The following CTDNEP1 variants were observed in gnomAD, a reference collection of about 807,000 sequenced individuals.
The protein encoded by CTDNEP1 is C-terminal domain nuclear envelope phosphatase 1.
In CTDNEP1, 3 loss-of-function variants were observed where a neutral mutation model predicts 30.1. That is an observed-to-expected ratio of 0.10 (90% CI 0.05 to 0.26). The LOEUF (loss-of-function observed/expected upper bound fraction) is 0.26. Among genes scored for constraint, CTDNEP1 ranks in the 10% least tolerant of loss-of-function variants. CTDNEP1 has a pLI of 1.00. For missense variants in CTDNEP1, 158 were observed against 310.4 expected (o/e 0.51, Z 3.69); for synonymous variants, 123 against 118.8 (o/e 1.04, Z -0.23).
chr17:7,249,583 G>A (rs937955480), intron 1 of CTDNEP1, among the ~76,000 whole-genome samples: 1 of 152,188 alleles, frequency 6.6e-6, no homozygotes, highest in Non-Finnish European at 1.5e-5. Flanking sequence ...CTGATGTGTT[G>A]GAGCGAGAAC....
At chr17:7,244,323 T>A in intron 7 of CTDNEP1, 78 bp from the exon 8 acceptor site, 1 of 1,483,676 alleles carries the variant, frequency 6.7e-7, no homozygotes, top group East Asian at 2.3e-5. Context: ...GCAGCATCAC[T>A]GGAGATGTGG....
At position 7,246,620 on chromosome 17, in the gene CTDNEP1, A is replaced by C. The variant is rs1024464632; in HGVS notation, c.360+171T>G. The C allele has an allele frequency of 1.5e-6, 1 of 687,054 alleles. No individual in the cohort carries two copies. 42.6% of individuals were successfully genotyped at this position (687,054 alleles called of 1,614,324 possible). A position where few individuals can be genotyped will look rare whatever the true frequency, so the allele number is the denominator to read the frequency against. ...CAGCGGAAAAGAATTACATCAGCACAACAAATGAACCCCAAGTACTGAAAG... is the reference window on the plus strand; with the variant it reads ...CAGCGGAAAAGAATTACATCAGCACCACAAATGAACCCCAAGTACTGAAAG... On this transcript the variant is annotated intron_variant, in intron 4 of 7. Coordinates refer to ENST00000574322, the MANE Select transcript of CTDNEP1 (RefSeq NM_001143775.2). The surrounding 1 kb of genome is among the most constrained non-coding windows in gnomAD (Gnocchi z 4.9).
In CTDNEP1 at chr17:7,247,347, C is replaced by A; in HGVS notation, c.103-4G>T. 1 of 1,612,528 alleles carries A rather than the reference C, an allele frequency of 6.2e-7. No homozygotes were observed. Among genetic ancestry groups the A allele is most frequent in the Non-Finnish European group, 8.5e-7 (1 of 1,178,868 alleles). ...GAACAGTTTGGTACTGAATTACCTA[C>A]AAATAGCACAAAAGAGGATTGAAAC... On this transcript the variant is annotated splice_region_variant and splice_polypyrimidine_tract_variant and intron_variant, in intron 1 of 7. Transcript: ENST00000574322.
At chr17:7,249,155 G>A (rs1426869230) in intron 1 of CTDNEP1, among the ~76,000 whole-genome samples, 1 of 152,070 alleles carries the variant, frequency 6.6e-6, no homozygotes, top group East Asian at 1.9e-4. Flanking sequence ...CATTCTCTAG[G>A]GGCTATTTCC....
intron 1 of CTDNEP1, among the ~76,000 whole-genome samples, chr17:7,250,286 A>G (rs1273910382): frequency 6.6e-6 from 1 of 151,304 alleles, no homozygotes; most frequent in Non-Finnish European, 1.5e-5. Flanking sequence ...TTCTCCCCAG[A>G]CTCCTTCCGA....
intron 6 of CTDNEP1, among the ~76,000 whole-genome samples, chr17:7,245,133 A>G (rs2071819163): frequency 2.0e-5 from 3 of 152,182 alleles, no homozygotes; most frequent in Admixed American, 2.0e-4. Flanking sequence ...GCTACTAAAA[A>G]TACAAAAAAT....
chr17:7,250,047 G>A (rs1349637944), intron 1 of CTDNEP1, among the ~76,000 whole-genome samples: 5 of 152,010 alleles, frequency 3.3e-5, no homozygotes, highest in Admixed American at 6.5e-5. Flanking sequence ...TACTGTTCGC[G>A]CCCTAAATCA....
chr17:7,247,321 C>G lies in CTDNEP1; in HGVS notation c.125G>C (p.Arg42Pro). 6.2e-7 allele frequency: 1 copy of G among 1,613,806 alleles called. No individual in the cohort carries two copies. The highest frequency in any genetic ancestry group is 8.5e-7 in the Non-Finnish European group (1 of 1,179,936). Residue 42 changes from arginine to proline, a missense_variant, in exon 2 of 8, where the codon CGA (arginine) becomes CCA (proline). Physicochemically the swap from Arg to Pro is moderately radical, Grantham distance 103. Coordinates refer to ENST00000574322, the MANE Select transcript of CTDNEP1 (RefSeq NM_001143775.2). ...AGGAGATAAGGGGAGGATATCATAT[C>G]GAACAGTTTGGTACTGAATTACCTA... is the stretch of plus-strand genomic sequence containing the variant. ...IRTVIQYQTV[R>P]YDILPLSPVS... is the part of the protein sequence containing the mutation.
Position 7,246,690 on chromosome 17 carries a change from TA to T in CTDNEP1, c.360+100del. On this transcript the variant is annotated intron_variant, in intron 4 of 7. Coordinates refer to ENST00000574322, the MANE Select transcript of CTDNEP1 (RefSeq NM_001143775.2). This position sits in a 1 kb window ranked among gnomAD's most constrained non-coding sequence, Gnocchi z 4.9. ...CAGCCTCCCCTCTAGAAAACTGCTC[TA>T]ACCCGTTTCTCCTCACCCCTTCCTC... 1 of 1,030,122 alleles carries T rather than the reference TA, an allele frequency of 9.7e-7. No individual in the cohort carries two copies. The highest frequency in any genetic ancestry group is 1.5e-6 in the Non-Finnish European group (1 of 670,478). 63.8% of individuals were successfully genotyped at this position (1,030,122 alleles called of 1,614,324 possible). A position where few individuals can be genotyped will look rare whatever the true frequency, so the allele number is the denominator to read the frequency against.
In CTDNEP1 at chr17:7,246,979, C is replaced by A; in HGVS notation, c.288+85G>T. ...TGACACTGGTGCCAGCGGATGGAGA[C>A]AGATGCTCTGGGACTGGGAAAGGGA... On this transcript the variant is annotated intron_variant, in intron 3 of 7. Coordinates refer to ENST00000574322, the MANE Select transcript of CTDNEP1 (RefSeq NM_001143775.2). The surrounding 1 kb of genome is among the most constrained non-coding windows in gnomAD (Gnocchi z 4.9). The A allele has an allele frequency of 7.1e-7, 1 of 1,411,854 alleles. No individual in the cohort carries two copies. The highest frequency in any genetic ancestry group is 1.2e-5 in the South Asian group (1 of 85,046). 87.5% of individuals were successfully genotyped at this position (1,411,854 alleles called of 1,614,324 possible).
Position 7,244,176 on chromosome 17 carries a change from G to C in CTDNEP1, c.*9C>G. ...CCCCACCCCAACTCAGGTGGAGGGGGAGCAGCTGTCACCAGAGCCGATGTT... is the reference window on the plus strand; with the variant it reads ...CCCCACCCCAACTCAGGTGGAGGGGCAGCAGCTGTCACCAGAGCCGATGTT... On this transcript the variant is annotated 3_prime_UTR_variant, in exon 8 of 8. Transcript: ENST00000574322. 3.7e-6 allele frequency: 6 copies of C among 1,613,912 alleles called. No individual in the cohort carries two copies. The highest frequency in any genetic ancestry group is 5.1e-6 in the Non-Finnish European group (6 of 1,179,972).
Position 7,246,402 on chromosome 17 carries a change from T to C in CTDNEP1, c.361-32A>G, listed in dbSNP as rs1205583776. 3 of 1,453,760 alleles carry C rather than the reference T, an allele frequency of 2.1e-6. No individual in the cohort carries two copies. Among genetic ancestry groups the C allele is most frequent in the East Asian group, 2.3e-5 (1 of 44,110 alleles). The allele number at this position is 1,453,760 out of a possible 1,614,324, so 90.1% of individuals were successfully genotyped here. The stretch of plus-strand genomic sequence containing the variant: ...TAGATTGGGGGAGAGGGCGATGCCA[T>C]ACAAGGTGATGATTCCTTTAGACAT... On this transcript the variant is annotated intron_variant, in intron 4 of 7. Coordinates refer to ENST00000574322, the MANE Select transcript of CTDNEP1 (RefSeq NM_001143775.2). The surrounding 1 kb of genome is among the most constrained non-coding windows in gnomAD (Gnocchi z 4.9).
At chr17:7,244,294 C>G in intron 7 of CTDNEP1, 49 bp from the exon 8 acceptor site, 2 of 1,579,938 alleles carry the variant, frequency 1.3e-6, no homozygotes, top group Non-Finnish European at 1.7e-6. Flanking sequence ...AGTTCATACC[C>G]TCACAACACT....
Position 7,246,825 on chromosome 17 carries a change from T to C in CTDNEP1, c.326A>G (p.His109Arg), listed in dbSNP as rs1202540205. 6.2e-7 allele frequency: 1 copy of C among 1,614,120 alleles called. No homozygotes were observed. Among genetic ancestry groups the C allele is most frequent in the Non-Finnish European group, 8.5e-7 (1 of 1,179,980 alleles). Residue 109 changes from histidine to arginine, a missense_variant, in exon 4 of 8, where the codon CAT (histidine) becomes CGT (arginine). Physicochemically the swap from His to Arg is conservative, Grantham distance 29. This residue lies in a region of CTDNEP1 where 96 missense variants were observed against 229.1 expected (regional missense o/e 0.42). Coordinates refer to ENST00000574322, the MANE Select transcript of CTDNEP1 (RefSeq NM_001143775.2). This position sits in a 1 kb window ranked among gnomAD's most constrained non-coding sequence, Gnocchi z 4.9. ...GAAGAAATCCACATGGGGCCTCTTA[T>C]GTACAAAAAACCGGACAGGATGTTT... ...IDKHPVRFFV[H>R]KRPHVDFFLE...
At chr17:7,244,426 G>T in intron 7 of CTDNEP1, 125 bp downstream of exon 7, 1 of 1,209,976 alleles carries the variant, frequency 8.3e-7, no homozygotes, top group Non-Finnish European at 1.2e-6. Context: ...AGACGACCTG[G>T]GTCCAAATGT....
At position 7,251,198 on chromosome 17, in the gene CTDNEP1, G is replaced by C. The variant is rs2071916912; in HGVS notation, c.99C>G (p.Arg33=). ...GCCAGCGCCCACCCTGGCTCACCGT[G>C]CGGATCTGCCTCCGCAGAAGGTAAA... is the stretch of plus-strand genomic sequence containing the variant. ...FFIYLLRRQI[R]TVIQYQTVRY... Residue 33 remains arginine (R), a synonymous_variant, in exon 1 of 8, where the codon CGC becomes CGG. Transcript: ENST00000574322. 2.5e-6 allele frequency: 4 copies of C among 1,597,892 alleles called. No homozygotes were observed. Among genetic ancestry groups the C allele is most frequent in the Middle Eastern group, 3.3e-4 (2 of 6,028 alleles).
Position 7,246,897 on chromosome 17 carries a change from GACC to G in CTDNEP1, c.289-38_289-36del, listed in dbSNP as rs777046635. The G allele has an allele frequency of 1.3e-5, 20 of 1,587,030 alleles. No individual in the cohort carries two copies. Among genetic ancestry groups the G allele is most frequent in the Admixed American group, 3.3e-5 (2 of 59,924 alleles). Reference sequence around the variant, plus strand: ...AACAAGATGGGCTGGGGGATGTCATGACCACCACAACCCAGGCCTAGAAAACGC... The same window carrying G: ...AACAAGATGGGCTGGGGGATGTCATGACCACAACCCAGGCCTAGAAAACGC... On this transcript the variant is annotated intron_variant, in intron 3 of 7. Coordinates refer to ENST00000574322, the MANE Select transcript of CTDNEP1 (RefSeq NM_001143775.2). The surrounding 1 kb of genome is among the most constrained non-coding windows in gnomAD (Gnocchi z 4.9).
chr17:7,246,630 C>T lies in CTDNEP1; in HGVS notation c.360+161G>A. The T allele has an allele frequency of 1.4e-6, 1 of 693,304 alleles. No individual in the cohort carries two copies. Among genetic ancestry groups the T allele is most frequent in the Non-Finnish European group, 2.6e-6 (1 of 388,822 alleles). 42.9% of individuals were successfully genotyped at this position (693,304 alleles called of 1,614,324 possible). ...GAATTACATCAGCACAACAAATGAA[C>T]CCCAAGTACTGAAAGCCACTCCCCT... is the stretch of plus-strand genomic sequence containing the variant. On this transcript the variant is annotated intron_variant, in intron 4 of 7. Coordinates refer to ENST00000574322, the MANE Select transcript of CTDNEP1 (RefSeq NM_001143775.2). This position sits in a 1 kb window ranked among gnomAD's most constrained non-coding sequence, Gnocchi z 4.9.
At position 7,251,493 on chromosome 17, in the gene CTDNEP1, G is replaced by A. The variant is rs973435140; in HGVS notation, c.-197C>T. On this transcript the variant is annotated 5_prime_UTR_variant, in exon 1 of 8. Transcript: ENST00000574322. Reference sequence around the variant, plus strand: ...AGCCCAGCGGAACGGGGAGCTGGGGGACAGGCGTGGGCAGCCCGCGGGGGC... The same window carrying A: ...AGCCCAGCGGAACGGGGAGCTGGGGAACAGGCGTGGGCAGCCCGCGGGGGC... The A allele has an allele frequency of 4.9e-6, 2 of 410,534 alleles. No individual in the cohort carries two copies. Among genetic ancestry groups the A allele is most frequent in the Non-Finnish European group, 8.5e-6 (2 of 235,440 alleles). 25.4% of individuals were successfully genotyped at this position (410,534 alleles called of 1,614,324 possible).
Sources: gnomAD v4.1 joint callset for allele counts (sites outside exome capture counted in the v4.1 genomes callset) on GRCh38, gnomAD v4.1.1 for gene constraint, gnomAD v4.1.1 regional missense constraint, Gnocchi (gnomAD v3.1) non-coding constraint, MANE v1.5 for transcripts, NCBI Gene and HGNC (gene_info 2026-07-23, HGNC 2026-07-21) for gene names.